Variants in TRAPPC10 observed in about 807,000 individuals in gnomAD.
TRAPPC10 encodes the protein TRAPP 130 kDa subunit.
In TRAPPC10, 23 loss-of-function variants were observed where a neutral mutation model predicts 125.5. That is an observed-to-expected ratio of 0.18 (90% CI 0.13 to 0.26). TRAPPC10 has a LOEUF of 0.26. Ranked by LOEUF, TRAPPC10 falls within the 10% of genes least tolerant of loss-of-function variation. The pLI is 1.00. For synonymous variants in TRAPPC10, 509 were observed against 518.0 expected, an observed-to-expected ratio of 0.98 and a Z score of 0.24; for missense variants, 1,123 against 1,308.4, an observed-to-expected ratio of 0.86 and a Z score of 2.19.
At chr21:44,086,749 G>T in intron 15 of TRAPPC10, 53 bp from the exon 16 acceptor site, 1 of 1,599,278 alleles carries the variant, frequency 6.3e-7, no homozygotes, top group Non-Finnish European at 8.6e-7. Flanking sequence ...CGGGCCCTGA[G>T]ATGCTGTCTT....
chr21:44,071,007 A>G (rs1363238477), intron 7 of TRAPPC10, among the ~76,000 whole-genome samples: 1 of 152,266 alleles, frequency 6.6e-6, no homozygotes, highest in East Asian at 1.9e-4. Flanking sequence ...GAGTGGATAA[A>G]TAAACTGTGG....
chr21:44,015,339 A>G (rs1366046457), intron 1 of TRAPPC10, among the ~76,000 whole-genome samples: 2 of 152,214 alleles, frequency 1.3e-5, no homozygotes, highest in South Asian at 2.1e-4. Flanking sequence ...GGGATAGAAG[A>G]ATGAAAAGTT....
intron 4 of TRAPPC10, among the ~76,000 whole-genome samples, chr21:44,052,925 T>C (rs1006443594): frequency 6.6e-6 from 1 of 152,150 alleles, no homozygotes; most frequent in Non-Finnish European, 1.5e-5. Flanking sequence ...TCCTGAAACT[T>C]TGGCAGTTAA....
chr21:44,089,865 C>A lies in TRAPPC10; in HGVS notation c.2802C>A (p.Ser934=). 1.2e-6 allele frequency: 2 copies of A among 1,613,920 alleles called. No individual in the cohort carries two copies. The highest frequency in any genetic ancestry group is 1.7e-6 in the Non-Finnish European group (2 of 1,179,888). Residue 934 remains serine, a synonymous_variant, in exon 18 of 23, where the codon TCC becomes TCA. Coordinates refer to ENST00000291574, the MANE Select transcript of TRAPPC10 (RefSeq NM_003274.5). ...VSIDCPWSIY[S]TVIALTFSVP... is the part of the protein sequence containing the mutation. ...TTGACTGCCCGTGGTCCATCTACTCCACAGTCATCGCACTGACCTTCAGCG... is the reference window on the plus strand; with the variant it reads ...TTGACTGCCCGTGGTCCATCTACTCAACAGTCATCGCACTGACCTTCAGCG...
chr21:44,033,915 C>T (rs1446838867), intron 2 of TRAPPC10, among the ~76,000 whole-genome samples: 1 of 149,264 alleles, frequency 6.7e-6, no homozygotes, highest in African/African-American at 2.5e-5. Context: ...TCATCTCTTC[C>T]CCTTTCCGAA....
rs1318818749 is a variant in TRAPPC10, at chr21:44,059,225, G to A, written c.790+11G>A. On this transcript the variant is annotated intron_variant, in intron 6 of 22. Coordinates refer to ENST00000291574, the MANE Select transcript of TRAPPC10 (RefSeq NM_003274.5). The surrounding 1 kb of genome is among the most constrained non-coding windows in gnomAD (Gnocchi z 4.4). The stretch of plus-strand genomic sequence containing the variant: ...ACTTCGGGGCCGGGGGTGAGTAGTG[G>A]CACTTCAGTAACGCATGCTTTTCTT... 4 of 1,579,112 alleles carry A rather than the reference G, an allele frequency of 2.5e-6. No homozygotes were observed. The highest frequency in any genetic ancestry group is 1.8e-4 in the Middle Eastern group (1 of 5,666).
chr21:44,070,823 G>C (rs766230212), intron 7 of TRAPPC10, among the ~76,000 whole-genome samples: 11 of 152,242 alleles, frequency 7.2e-5, no homozygotes, highest in Non-Finnish European at 1.3e-4. Context: ...CAGGGATGCT[G>C]GTGGGAGAAG....
At chr21:44,038,839 C>T (rs1382354072) in intron 3 of TRAPPC10, among the ~76,000 whole-genome samples, 1 of 152,204 alleles carries the variant, frequency 6.6e-6, no homozygotes, top group Non-Finnish European at 1.5e-5. Context: ...CACCCTTTCT[C>T]TGCTGACTTT....
intron 1 of TRAPPC10, among the ~76,000 whole-genome samples, chr21:44,020,941 G>C (rs894507880): frequency 6.6e-6 from 1 of 152,180 alleles, no homozygotes; most frequent in Non-Finnish European, 1.5e-5. Context: ...GCTTTACCAA[G>C]TACTTAGGGA....
intron 1 of TRAPPC10, among the ~76,000 whole-genome samples, chr21:44,026,726 C>G (rs1315210293): frequency 3.3e-5 from 5 of 152,166 alleles, no homozygotes; most frequent in African/African-American, 7.2e-5. Flanking sequence ...GCTTGGAGGG[C>G]CTTAAAATTA....
At chr21:44,085,422 G>T (rs1202357720) in intron 15 of TRAPPC10, among the ~76,000 whole-genome samples, 2 of 152,158 alleles carry the variant, frequency 1.3e-5, no homozygotes, top group Non-Finnish European at 1.5e-5. Flanking sequence ...ACTAGATTTA[G>T]TTAGGATCTA....
intron 3 of TRAPPC10, among the ~76,000 whole-genome samples, chr21:44,039,280 G>A (rs1203804596): frequency 6.6e-6 from 1 of 152,154 alleles, no homozygotes; most frequent in East Asian, 1.9e-4. Context: ...CGCCTGCAAG[G>A]GCCTTCTGCT....
chr21:44,046,950 G>T, intron 3 of TRAPPC10: 1 of 826,784 alleles, frequency 1.2e-6, no homozygotes, highest in Non-Finnish European at 2.1e-6. Context: ...CGATGAATAT[G>T]GCCCACTGGG....
At chr21:44,025,490 G>C (rs1418413316) in intron 1 of TRAPPC10, among the ~76,000 whole-genome samples, 1 of 152,176 alleles carries the variant, frequency 6.6e-6, no homozygotes, top group African/African-American at 2.4e-5. Context: ...CTTATATTCA[G>C]ATGCATTTAT....
chr21:44,058,284 G>T (rs1055838156), intron 5 of TRAPPC10, among the ~76,000 whole-genome samples: 1 of 152,046 alleles, frequency 6.6e-6, no homozygotes, highest in African/African-American at 2.4e-5. Flanking sequence ...GGTGTTCCAG[G>T]CCATGGAGTG....
At chr21:44,014,688 G>T (rs1274132912) in intron 1 of TRAPPC10, among the ~76,000 whole-genome samples, 1 of 150,458 alleles carries the variant, frequency 6.6e-6, no homozygotes, top group East Asian at 2.0e-4. Flanking sequence ...GCAGCCTCCC[G>T]AAGTGCTGGG....
intron 20 of TRAPPC10, among the ~76,000 whole-genome samples, chr21:44,095,089 G>A (rs994006498): frequency 1.3e-5 from 2 of 150,160 alleles, no homozygotes; most frequent in South Asian, 2.1e-4. Flanking sequence ...TCACTCTGTT[G>A]CCCAGGCTGG....
chr21:44,074,121 TTC>T (rs542222602), intron 7 of TRAPPC10, among the ~76,000 whole-genome samples: 188 of 152,328 alleles, frequency 1.2e-3, no homozygotes, highest in Middle Eastern at 3.4e-3. Context: ...GTCACACTGC[TTC>T]TCTCTTCCCA....
rs773296817 is a variant in TRAPPC10 at position 44,082,851 on chromosome 21, C to G, written c.1787C>G (p.Ser596Cys). The G allele has an allele frequency of 1.1e-5, 18 of 1,614,010 alleles. No individual in the cohort carries two copies. ...CTGCGAGATCTCCATTTTGATCCCT[C>G]CAATGCCGTGGTCCACGTGGGCGGC... is the stretch of plus-strand genomic sequence containing the variant. ...AQLRDLHFDP[S>C]NAVVHVGGVL... The change falls in exon 14 of 23, where the codon TCC becomes TGC. Residue 596 changes from serine to cysteine, a missense_variant. Physicochemically the swap from Ser to Cys is moderately radical, Grantham distance 112 (BLOSUM62 -1). Transcript: ENST00000291574. This position sits in a 1 kb window ranked among gnomAD's most constrained non-coding sequence, Gnocchi z 4.4.
Sources: gnomAD v4.1 joint callset for allele counts (sites outside exome capture counted in the v4.1 genomes callset) on GRCh38, gnomAD v4.1.1 for gene constraint, Gnocchi (gnomAD v3.1) non-coding constraint, MANE v1.5 for transcripts, NCBI Gene and HGNC (gene_info 2026-07-23, HGNC 2026-07-21) for gene names.